Variants in SCP2 observed in about 807,000 individuals in gnomAD.
The protein encoded by SCP2 is SCP-2/3-oxoacyl-CoA thiolase.
In SCP2, 48 loss-of-function variants were observed where a neutral mutation model predicts 71.4. The ratio of observed to expected loss-of-function variants is 0.67; its 90% CI spans 0.53 to 0.86. The LOEUF (loss-of-function observed/expected upper bound fraction) is 0.86, where lower values mean the gene tolerates loss of function less well. SCP2 is among the 40% of genes least tolerant of loss of function. The probability of loss-of-function intolerance (pLI) is 0.00; values close to 1 mark genes in which losing one functional copy is unlikely to be tolerated. For synonymous variants in SCP2, 220 were observed against 218.1 expected (o/e 1.01, Z -0.08); for missense variants, 560 against 655.6 (o/e 0.85, Z 1.59).
intron 11 of SCP2, among the ~76,000 whole-genome samples, chr1:53,001,935 A>G (rs971868121): frequency 3.9e-5 from 6 of 152,196 alleles, no homozygotes. Flanking sequence ...CTGTAATCCC[A>G]GCACTTTGGG....
At chr1:52,972,081 A>G (rs1354526550) in intron 6 of SCP2, among the ~76,000 whole-genome samples, 1 of 152,174 alleles carries the variant, frequency 6.6e-6, no homozygotes, top group African/African-American at 2.4e-5. Flanking sequence ...CATTCGACAG[A>G]TTTCTAAATG....
intron 11 of SCP2, chr1:52,995,831 A>C: frequency 1.9e-6 from 2 of 1,051,486 alleles, no homozygotes; most frequent in Non-Finnish European, 2.9e-6. Flanking sequence ...CTTCAGGTGC[A>C]TCTTGGAGCA....
At chr1:52,971,336 A>G (rs560904587) in intron 6 of SCP2, among the ~76,000 whole-genome samples, 53 of 152,246 alleles carry the variant, frequency 3.5e-4, no homozygotes, top group African/African-American at 1.3e-3. Flanking sequence ...CCTGTTACTG[A>G]TGTGTTTTTA....
chr1:52,988,705 A>G (rs1296110206), intron 11 of SCP2, among the ~76,000 whole-genome samples: 1 of 118,688 alleles, frequency 8.4e-6, no homozygotes, highest in Non-Finnish European at 1.6e-5. Flanking sequence ...TTTTTTTTTG[A>G]GATGGAGTCT....
intron 2 of SCP2, among the ~76,000 whole-genome samples, chr1:52,943,112 A>G (rs1028697924): frequency 6.6e-6 from 1 of 152,086 alleles, no homozygotes; most frequent in Admixed American, 6.6e-5. Context: ...TTGCAATCAT[A>G]TGCTTAGGTG....
Position 52,950,846 on chromosome 1 carries a change from T to G in SCP2, c.291T>G (p.Gly97=), listed in dbSNP as rs756441087. The G allele has an allele frequency of 4.3e-6, 7 of 1,613,978 alleles. No individual in the cohort carries two copies. The highest frequency in any genetic ancestry group is 5.9e-6 in the Non-Finnish European group (7 of 1,179,966). The change falls in exon 4 of 16, where the codon GGT becomes GGG. Residue 97 remains glycine (G), a synonymous_variant. Transcript: ENST00000371514. ...IINVNNNCAT[G]STALFMARQL... is the part of the protein sequence containing the mutation. Reference sequence around the variant, plus strand: ...ATGTCAACAATAACTGTGCTACTGGTTCTACTGCTTTGTTTATGGCCCGCC... The same window carrying G: ...ATGTCAACAATAACTGTGCTACTGGGTCTACTGCTTTGTTTATGGCCCGCC...
At chr1:52,970,338 C>A (rs566831556) in intron 6 of SCP2, among the ~76,000 whole-genome samples, 1 of 152,126 alleles carries the variant, frequency 6.6e-6, no homozygotes, top group Admixed American at 6.6e-5. Flanking sequence ...CAGCCACAAA[C>A]CCCTGGGCTC....
intron 11 of SCP2, among the ~76,000 whole-genome samples, chr1:52,997,105 A>C (rs944531896): frequency 6.6e-6 from 1 of 152,254 alleles, no homozygotes; most frequent in Non-Finnish European, 1.5e-5. Flanking sequence ...CATAATAGTC[A>C]AAAGCTGGAA....
At chr1:52,927,804 C>T (rs1380875028) in intron 1 of SCP2, among the ~76,000 whole-genome samples, 1 of 152,134 alleles carries the variant, frequency 6.6e-6, no homozygotes, top group Non-Finnish European at 1.5e-5. Context: ...GCCTGCTCGG[C>T]CCTCCCAGGA....
intron 14 of SCP2, among the ~76,000 whole-genome samples, chr1:53,043,444 G>A (rs1472417281): frequency 1.3e-5 from 2 of 152,198 alleles, no homozygotes; most frequent in African/African-American, 4.8e-5. Flanking sequence ...ATCAGTGAAG[G>A]TGCAGTTAAA....
At chr1:52,981,687 C>T (rs1442871015) in intron 10 of SCP2, among the ~76,000 whole-genome samples, 1 of 151,664 alleles carries the variant, frequency 6.6e-6, no homozygotes, top group Non-Finnish European at 1.5e-5. Context: ...CCGCCTCAGC[C>T]TCCCAAAGTG....
At chr1:53,036,019 C>CAAAAAAAAAAA (rs35164089) in intron 13 of SCP2, among the ~76,000 whole-genome samples, 1 of 63,290 alleles carries the variant, frequency 1.6e-5, no homozygotes, top group Non-Finnish European at 3.6e-5. Context: ...GACTCCGTCT[C>CAAAAAAAAAAA]AAAAAAAAAA....
At chr1:52,951,877 T>TG (rs1655350348) in intron 4 of SCP2, among the ~76,000 whole-genome samples, 1 of 151,928 alleles carries the variant, frequency 6.6e-6, no homozygotes, top group Non-Finnish European at 1.5e-5. Context: ...CCACCATGCC[T>TG]GGCTAATTTT....
intron 2 of SCP2, among the ~76,000 whole-genome samples, chr1:52,946,156 T>TG (rs1245857452): frequency 6.6e-6 from 1 of 152,106 alleles, no homozygotes; most frequent in Non-Finnish European, 1.5e-5. Flanking sequence ...CTTGAGGTCC[T>TG]GGGCTCAAGG....
At chr1:52,977,384 G>T (rs1413403417) in intron 8 of SCP2, among the ~76,000 whole-genome samples, 2 of 152,204 alleles carry the variant, frequency 1.3e-5, no homozygotes, top group African/African-American at 4.8e-5. Flanking sequence ...ACTCCCAGAA[G>T]ACTTCTTGTG....
In SCP2 at chr1:53,028,021, G is replaced by C; in HGVS notation, c.1288G>C (p.Gly430Arg). 1 of 1,611,782 alleles carries C rather than the reference G, an allele frequency of 6.2e-7. No individual in the cohort carries two copies. ...EAVPTSSASDGFKANLVFKEI... is the reference protein window; with the variant it reads ...EAVPTSSASDRFKANLVFKEI... ...TGTTCCAACCAGCTCTGCAAGTGAT[G>C]GATTTAAGGCAAATCTTGTTTTTAA... The change falls in exon 13 of 16, where the codon GGA becomes CGA. Residue 430 changes from glycine (G) to arginine (R), a missense_variant. Physicochemically the swap from Gly to Arg is moderately radical, Grantham distance 125. Around this residue, in one of 3 missense-constraint regions of SCP2, gnomAD observed 513 missense variants for 573.1 expected, o/e 0.90. Transcript: ENST00000371514.
At chr1:52,996,142 A>G (rs1572161724) in intron 11 of SCP2, 3 of 449,456 alleles carry the variant, frequency 6.7e-6, no homozygotes, top group Admixed American at 8.1e-5. Context: ...TAGATCTAGA[A>G]CAGTGCTTAG....
chr1:52,995,897 A>G (rs1044790347), intron 11 of SCP2: 16 of 1,487,912 alleles, frequency 1.1e-5, no homozygotes, highest in African/African-American at 1.4e-5. Context: ...AGCTGAGGGC[A>G]TGGATGAGAC....
At chr1:52,991,647 C>A (rs1244565324) in intron 11 of SCP2, among the ~76,000 whole-genome samples, 6 of 152,190 alleles carry the variant, frequency 3.9e-5, no homozygotes, top group African/African-American at 7.2e-5. Context: ...GATCTGCCTG[C>A]CTCGGCCTCC....
Sources: allele counts gnomAD v4.1 joint callset (sites outside exome capture counted in the v4.1 genomes callset), GRCh38; gene constraint gnomAD v4.1.1; regional missense constraint gnomAD v4.1.1; transcripts MANE v1.5; gene names NCBI Gene and HGNC (gene_info 2026-07-23, HGNC 2026-07-21).